The following CEP72 variants were observed in gnomAD, a reference collection of about 807,000 sequenced individuals.
CEP72 encodes the protein centrosomal protein of 72 kDa.
A neutral mutation model predicts 65.7 loss-of-function variants in CEP72; 78 were observed. That is an observed-to-expected ratio of 1.19 (90% confidence interval 0.99 to 1.43). CEP72 has a LOEUF of 1.43. Ranked by LOEUF, CEP72 falls within the 40% of genes most tolerant of loss-of-function variation. CEP72 has a pLI of 0.00. For missense variants in CEP72, 914 were observed against 832.9 expected (o/e 1.10, Z -1.20); for synonymous variants, 358 against 351.7 (o/e 1.02, Z -0.20).
intron 9 of CEP72, chr5:641,418 G>A (rs756887883): frequency 4.0e-5 from 39 of 985,312 alleles, no homozygotes; most frequent in African/African-American, 5.2e-5. Context: ...AAGTCGGCCC[G>A]GGACGGCTTC....
At chr5:646,175 CGAG>C (rs1738412707) in intron 10 of CEP72, among the ~76,000 whole-genome samples, 1 of 152,232 alleles carries the variant, frequency 6.6e-6, no homozygotes, top group Non-Finnish European at 1.5e-5. Context: ...CAGTGCGAAG[CGAG>C]GACTTGTTGG....
downstream of CEP72, among the ~76,000 whole-genome samples, chr5:668,578 AG>A (rs1561082415): frequency 6.6e-6 from 1 of 152,230 alleles, no homozygotes; most frequent in Non-Finnish European, 1.5e-5. Flanking sequence ...CGAGCTGAGC[AG>A]GCCGCGGGGT....
intron 1 of CEP72, among the ~76,000 whole-genome samples, chr5:614,271 A>G (rs1301695879): frequency 6.6e-6 from 1 of 152,008 alleles, no homozygotes; most frequent in African/African-American, 2.4e-5. Flanking sequence ...TTGAGGCAAA[A>G]CTGTAGATTA....
At chr5:634,140 A>G (rs1049226753) in intron 5 of CEP72, among the ~76,000 whole-genome samples, 193 bp downstream of exon 5, 2 of 152,256 alleles carry the variant, frequency 1.3e-5, no homozygotes, top group African/African-American at 4.8e-5. Flanking sequence ...GAAAGTTAAC[A>G]TATTTGAGTA....
downstream of CEP72, among the ~76,000 whole-genome samples, chr5:656,766 T>C (rs181742031): frequency 1.3e-5 from 2 of 152,340 alleles, no homozygotes; most frequent in Admixed American, 6.5e-5. Flanking sequence ...TATTTTTGTT[T>C]TGTTTTTTGC....
At chr5:663,071 G>C (rs1202962118) in intron 1 of CEP72, 3 of 150,710 alleles carry the variant, frequency 2.0e-5, no homozygotes, top group African/African-American at 7.4e-5. Flanking sequence ...GGGTGATTCC[G>C]ATGACTGCTT....
At chr5:662,918 T>G (rs562572262) in intron 1 of CEP72, 3 of 143,762 alleles carry the variant, frequency 2.1e-5, no homozygotes, top group Non-Finnish European at 3.0e-5. Flanking sequence ...GCGATTCTGG[T>G]GACCGCTCGT....
chr5:657,919 T>C (rs1739421643), downstream of CEP72, among the ~76,000 whole-genome samples: 1 of 152,258 alleles, frequency 6.6e-6, no homozygotes, highest in Non-Finnish European at 1.5e-5. Flanking sequence ...AGGGGTTTTC[T>C]TTTGTAGCTG....
At chr5:660,898 C>T (rs1739564071), downstream of CEP72, 1 of 152,244 alleles carries the variant, frequency 6.6e-6, no homozygotes, top group Non-Finnish European at 1.5e-5. Context: ...GGGGCGGCCA[C>T]AGGACATGAT....
chr5:670,203 C>T (rs1410379927), downstream of CEP72, among the ~76,000 whole-genome samples: 5 of 152,156 alleles, frequency 3.3e-5, no homozygotes, highest in African/African-American at 9.6e-5. Context: ...CCGGGGCGGA[C>T]GTCACAGGCC....
Position 647,893 on chromosome 5 carries a change from G to T in CEP72, c.1755G>T (p.Thr585=). 6.2e-7 allele frequency: 1 copy of T among 1,611,940 alleles called. No homozygotes were observed. Among genetic ancestry groups the T allele is most frequent in the Non-Finnish European group, 8.5e-7 (1 of 1,179,670 alleles). ...ACTACGACAAGATCCAGGAGCTCACGCAGATGCTGCAGGAGAGCCACAGGT... is the reference window on the plus strand; with the variant it reads ...ACTACGACAAGATCCAGGAGCTCACTCAGATGCTGCAGGAGAGCCACAGGT... ...LEHYDKIQEL[T]QMLQESHSSL... is the part of the protein sequence containing the mutation. The change falls in exon 11 of 12, where the codon ACG becomes ACT. Residue 585 remains threonine (T), a synonymous_variant. Coordinates refer to ENST00000264935, the MANE Select transcript of CEP72 (RefSeq NM_018140.4).
Position 635,136 on chromosome 5 carries a change from C to T in CEP72, c.692-236C>T, listed in dbSNP as rs139113154. On this transcript the variant is annotated intron_variant, in intron 5 of 11. Transcript: ENST00000264935. ...TTGTCTGACTTTGCTCCACTTCATG[C>T]GGCTGGATTCTTGCAGCCTTGTCCT... 2.8e-4 allele frequency among the ~76,000 whole-genome samples: 42 copies of T among 152,282 alleles called. No individual in the cohort carries two copies. In the East Asian group the frequency reaches 7.3e-3, roughly 27 times the overall value.
chr5:643,619 C>T (rs1332163587), intron 9 of CEP72: 1 of 985,238 alleles, frequency 1.0e-6, no homozygotes, highest in Non-Finnish European at 1.2e-6. Flanking sequence ...GCCTGCTCAG[C>T]ACCCCCGGCC....
chr5:665,732 C>T (rs1739872774), intron 3 of CEP72, among the ~76,000 whole-genome samples: 1 of 136,116 alleles, frequency 7.3e-6, no homozygotes, highest in Non-Finnish European at 1.6e-5. Flanking sequence ...CATGCCCTTC[C>T]TGACCACGCC....
At chr5:627,274 A>C (rs969919626) in intron 4 of CEP72, among the ~76,000 whole-genome samples, 1 of 152,236 alleles carries the variant, frequency 6.6e-6, no homozygotes, top group Non-Finnish European at 1.5e-5. Flanking sequence ...ATAGATGTTC[A>C]TCACATTCTT....
Position 640,049 on chromosome 5 carries a change from C to G in CEP72, c.1343-359C>G, listed in dbSNP as rs4956959. On this transcript the variant is annotated intron_variant, in intron 8 of 11. Transcript: ENST00000264935. ...CGGGGGGACTGTCCCAGGCCCAGGC[C>G]ACTGTCCCAGTGTGGAGTTGCCAGC... 5.9e-3 allele frequency among the ~76,000 whole-genome samples: 906 copies of G among 152,362 alleles called. 31 individuals carry two copies. The highest frequency in any genetic ancestry group is 0.051 in the Admixed American group (775 of 15,306).
exon 5 of CEP72, chr5:667,055 C>T (rs1739946080): frequency 6.7e-6 from 1 of 149,840 alleles, no homozygotes; most frequent in African/African-American, 2.6e-5. Context: ...GACCAAGAGT[C>T]AGGGGACAAA....
intron 6 of CEP72, among the ~76,000 whole-genome samples, chr5:636,184 C>T (rs11739866): frequency 0.13 from 19,738 of 152,282 alleles, 1,638 homozygotes; most frequent in Non-Finnish European, 0.19. Flanking sequence ...TTTTTCACAT[C>T]GTTTGCTTTT....
the CEP72 span, among the ~76,000 whole-genome samples, chr5:672,234 G>A: frequency 1.3e-5 from 2 of 152,300 alleles, no homozygotes; most frequent in Middle Eastern, 3.4e-3. Context: ...AGGCTCAGCA[G>A]CCCTCCACGC....
Sources: gnomAD v4.1 joint callset for allele counts (sites outside exome capture counted in the v4.1 genomes callset) on GRCh38, gnomAD v4.1.1 for gene constraint, MANE v1.5 for transcripts, NCBI Gene and HGNC (gene_info 2026-07-23, HGNC 2026-07-21) for gene names.